STARD3NL: variants seen among roughly 807,000 people sequenced by gnomAD.
The protein encoded by STARD3NL is STARD3 N-terminal-like protein.
Under a neutral mutation model 30.9 loss-of-function variants are expected in STARD3NL, and 17 were observed. The observed-to-expected ratio is 0.55, with a 90% CI of 0.38 to 0.82. The LOEUF (loss-of-function observed/expected upper bound fraction) is 0.82. Ranked by LOEUF, STARD3NL falls within the 40% of genes least tolerant of loss-of-function variation. The pLI, the probability that STARD3NL is intolerant of heterozygous loss-of-function variation, is 0.00. For synonymous variants in STARD3NL, 112 were observed against 100.5 expected (o/e 1.11, Z -0.69); for missense variants, 234 against 277.6 (o/e 0.84, Z 1.12).
intron 1 of STARD3NL, among the ~76,000 whole-genome samples, chr7:38,200,247 A>G (rs1476868362): frequency 6.6e-6 from 1 of 152,140 alleles, no homozygotes; most frequent in Non-Finnish European, 1.5e-5. Flanking sequence ...CCCCCACCCC[A>G]GACTGCTCTG....
At chr7:38,192,860 C>T (rs531310174) in intron 1 of STARD3NL, among the ~76,000 whole-genome samples, 9 of 143,522 alleles carry the variant, frequency 6.3e-5, no homozygotes, top group Middle Eastern at 3.5e-3. Context: ...GAAGATCGGG[C>T]GCACACTCCT....
At chr7:38,218,393 T>G (rs1298469287) in intron 6 of STARD3NL, among the ~76,000 whole-genome samples, 1 of 152,236 alleles carries the variant, frequency 6.6e-6, no homozygotes, top group Non-Finnish European at 1.5e-5. Context: ...TTAATCAGAC[T>G]GAGTTGTACC....
rs112176932 is a variant in STARD3NL, at chr7:38,209,652, G to A, written c.225+1923G>A. 2.9e-3 allele frequency among the ~76,000 whole-genome samples: 444 copies of A among 152,254 alleles called. 3 individuals are homozygous for A. The highest frequency in any genetic ancestry group is 4.3e-3 in the Non-Finnish European group (295 of 68,028). ...GGGCACACTTTAAATTTATTTTAAC[G>A]TCAACAGCAAGTCCGGGCATTCATT... On this transcript the variant is annotated intron_variant, in intron 2 of 8. Coordinates refer to ENST00000009041, the MANE Select transcript of STARD3NL (RefSeq NM_032016.4).
intron 7 of STARD3NL, among the ~76,000 whole-genome samples, chr7:38,228,579 G>C (rs1161897179): frequency 6.6e-6 from 1 of 152,190 alleles, no homozygotes; most frequent in African/African-American, 2.4e-5. Flanking sequence ...AATCCATTTT[G>C]ACAGATTAGT....
intron 4 of STARD3NL, 129 bp from the exon 5 acceptor site, chr7:38,216,896 G>C (rs1441134403): frequency 9.4e-7 from 1 of 1,059,974 alleles, no homozygotes; most frequent in African/African-American, 1.6e-5. Flanking sequence ...ATATGGGAAG[G>C]AGCCAGGCTA....
At chr7:38,185,396 A>G (rs1394122822) in intron 1 of STARD3NL, among the ~76,000 whole-genome samples, 7 of 152,202 alleles carry the variant, frequency 4.6e-5, no homozygotes, top group Non-Finnish European at 7.4e-5. Flanking sequence ...CATAGGAGAT[A>G]ACATATGTAA....
chr7:38,200,354 A>G (rs1330956349), intron 1 of STARD3NL, among the ~76,000 whole-genome samples: 1 of 152,204 alleles, frequency 6.6e-6, no homozygotes, highest in African/African-American at 2.4e-5. Flanking sequence ...AGGCTGGTGA[A>G]GAAGCTAGTG....
rs756633921 is a variant in STARD3NL at position 38,228,806 on chromosome 7, A to G, written c.657A>G (p.Glu219=). 2 of 1,612,706 alleles carry G rather than the reference A, an allele frequency of 1.2e-6. No individual in the cohort carries two copies. The highest frequency in any genetic ancestry group is 1.7e-6 in the Non-Finnish European group (2 of 1,179,176). ...YSPPESEAGS[E]EAEEKQDSEK... ...CCCTTCTCCACCACGTAGGATCTGA[A>G]GAAGCTGAAGAAAAACAGGACAGTG... Residue 219 remains glutamate, a synonymous_variant, in exon 8 of 9, where the codon GAA becomes GAG. Coordinates refer to ENST00000009041, the MANE Select transcript of STARD3NL (RefSeq NM_032016.4).
chr7:38,182,858 A>G (rs1250229895), intron 1 of STARD3NL, among the ~76,000 whole-genome samples: 1 of 152,170 alleles, frequency 6.6e-6, no homozygotes, highest in East Asian at 1.9e-4. Flanking sequence ...GAGACTAGCG[A>G]GCATCCTCAG....
chr7:38,216,863 G>T, intron 4 of STARD3NL, 162 bp from the exon 5 acceptor site: 6 of 739,808 alleles, frequency 8.1e-6, no homozygotes, highest in Non-Finnish European at 1.4e-5. Context: ...CCCAGTGTGG[G>T]TCTAGGGGAG....
intron 7 of STARD3NL, 91 bp downstream of exon 7, chr7:38,219,751 A>G (rs970006043): frequency 2.7e-5 from 29 of 1,062,094 alleles, no homozygotes; most frequent in Admixed American, 2.6e-4. Context: ...TTCTCAATAT[A>G]CTTAGCTAAC....
intron 1 of STARD3NL, among the ~76,000 whole-genome samples, chr7:38,203,748 G>C (rs1785299229): frequency 6.6e-6 from 1 of 152,154 alleles, no homozygotes; most frequent in Admixed American, 6.5e-5. Flanking sequence ...CACGTGCAGA[G>C]ACACACATAG....
At chr7:38,183,757 T>C (rs1267035988) in intron 1 of STARD3NL, among the ~76,000 whole-genome samples, 1 of 152,188 alleles carries the variant, frequency 6.6e-6, no homozygotes, top group African/African-American at 2.4e-5. Flanking sequence ...CCTGTCTAGT[T>C]GTATGTGAAT....
At chr7:38,213,008 A>G in intron 2 of STARD3NL, among the ~76,000 whole-genome samples, 1 of 152,240 alleles carries the variant, frequency 6.6e-6, no homozygotes, top group East Asian at 1.9e-4. Context: ...AAATCAGAGC[A>G]TTTTAAAGTA....
At position 38,212,076 on chromosome 7, in the gene STARD3NL, C is replaced by T. The variant is rs1785840705; in HGVS notation, c.226-2281C>T. Among the ~76,000 whole-genome samples the T allele has an allele frequency of 2.0e-5, 3 of 152,290 alleles. No homozygotes were observed. The East Asian group carries it at 5.8e-4, about 29-fold the overall frequency. On this transcript the variant is annotated intron_variant, in intron 2 of 8. Transcript: ENST00000009041. ...GGCTGGTCGCCTGCTTCCTCTCACCCTGCAATCCATTCTTCTCACAGTAGC... is the reference window on the plus strand; with the variant it reads ...GGCTGGTCGCCTGCTTCCTCTCACCTTGCAATCCATTCTTCTCACAGTAGC...
intron 1 of STARD3NL, among the ~76,000 whole-genome samples, chr7:38,190,646 AC>A (rs1784648439): frequency 6.6e-6 from 1 of 152,098 alleles, no homozygotes; most frequent in African/African-American, 2.4e-5. Context: ...CCATTACTAA[AC>A]TGTAATCAAT....
intron 1 of STARD3NL, among the ~76,000 whole-genome samples, chr7:38,199,801 G>C (rs965654113): frequency 1.4e-4 from 21 of 152,222 alleles, no homozygotes; most frequent in Non-Finnish European, 1.5e-5. Context: ...ATGAGTGTCA[G>C]AATCACATGG....
chr7:38,229,830 GCA>G (rs1157918002), intron 8 of STARD3NL, 91 bp from the exon 9 acceptor site: 21 of 152,172 alleles, frequency 1.4e-4, no homozygotes, highest in African/African-American at 5.1e-4. Flanking sequence ...CCCCTCTTCA[GCA>G]CACAGACTTT....
chr7:38,215,171 G>A, intron 4 of STARD3NL, 66 bp downstream of exon 4: 2 of 1,472,882 alleles, frequency 1.4e-6, no homozygotes, highest in Non-Finnish European at 1.9e-6. Flanking sequence ...GCTCTCAACA[G>A]GCCTGGGCTG....
Sources: gnomAD v4.1 joint callset for allele counts (sites outside exome capture counted in the v4.1 genomes callset) on GRCh38, gnomAD v4.1.1 for gene constraint, MANE v1.5 for transcripts, NCBI Gene and HGNC (gene_info 2026-07-23, HGNC 2026-07-21) for gene names.